The following MYO18A variants were observed in gnomAD, a reference collection of about 807,000 sequenced individuals.
MYO18A encodes unconventional myosin-XVIIIa.
A neutral mutation model predicts 235.8 loss-of-function variants in MYO18A; 78 were observed. That is an observed-to-expected ratio of 0.33 (90% CI 0.28 to 0.40). The LOEUF (loss-of-function observed/expected upper bound fraction) is 0.40. MYO18A is among the 10% of genes least tolerant of loss of function. The pLI is 1.00. For missense variants in MYO18A, 2,215 were observed against 2,699.3 expected (o/e 0.82, Z 3.98); for synonymous variants, 977 against 1,077.8 (o/e 0.91, Z 1.83).
chr17:29,159,816 G>A (rs2068134894), intron 2 of MYO18A, among the ~76,000 whole-genome samples: 1 of 152,196 alleles, frequency 6.6e-6, no homozygotes, highest in African/African-American at 2.4e-5. Flanking sequence ...GGGCTCTCCT[G>A]TCCTTCTCCC....
chr17:29,173,960 G>A (rs11080089), intron 1 of MYO18A, among the ~76,000 whole-genome samples: 39,672 of 151,800 alleles, frequency 0.26, 5,545 homozygotes, highest in East Asian at 0.57. Flanking sequence ...TTGTTTTAGA[G>A]ACAGGTTCTT....
rs373429080 is a variant in MYO18A at position 29,079,822 on chromosome 17, G to A, written c.6020+2494C>T. 131 of 986,056 alleles carry A rather than the reference G, an allele frequency of 1.3e-4. 1 individual carries two copies. In the African/African-American group the frequency reaches 2.0e-3, roughly 15 times the overall value. The allele number at this position is 986,056 out of a possible 1,614,324, so 61.1% of individuals were successfully genotyped here. A position where few individuals can be genotyped will look rare whatever the true frequency, so the allele number is the denominator to read the frequency against. On this transcript the variant is annotated intron_variant, in intron 41 of 41. Transcript: ENST00000527372. ...TTCCTCCTTCCTCGACGGCCGGTGC[G>A]TCTGCCCAGTTTCTTCACTTTCTGC... is the stretch of plus-strand genomic sequence containing the variant.
chr17:29,089,865 G>C (rs1010341327), intron 37 of MYO18A, 96 bp downstream of exon 37: 45 of 1,521,450 alleles, frequency 3.0e-5, no homozygotes, highest in Non-Finnish European at 3.9e-5. Context: ...TCTGAGGACT[G>C]TCCGGGGGCC....
chr17:29,163,541 A>G (rs563054858), intron 2 of MYO18A, among the ~76,000 whole-genome samples: 1 of 152,336 alleles, frequency 6.6e-6, no homozygotes, highest in South Asian at 2.1e-4. Flanking sequence ...GGCTTACCCC[A>G]TAGGAGCTAG....
At chr17:29,104,794 A>T (rs1432129998) in intron 20 of MYO18A, among the ~76,000 whole-genome samples, 1 of 152,094 alleles carries the variant, frequency 6.6e-6, no homozygotes, top group African/African-American at 2.4e-5. Flanking sequence ...TCAAGGGGGA[A>T]ACCAGGAGTG....
At chr17:29,099,897 A>C in intron 21 of MYO18A, 135 bp from the exon 22 acceptor site, 3 of 1,227,394 alleles carry the variant, frequency 2.4e-6, no homozygotes, top group Non-Finnish European at 1.1e-6. Flanking sequence ...TCAAAATCCA[A>C]TTGTCCAAGA....
intron 2 of MYO18A, among the ~76,000 whole-genome samples, chr17:29,144,898 C>T (rs1313815640): frequency 6.6e-6 from 1 of 152,114 alleles, no homozygotes; most frequent in Non-Finnish European, 1.5e-5. Flanking sequence ...AAACTGCTCA[C>T]AAAGTATAGT....
At chr17:29,091,506 C>T (rs1308694001) in intron 34 of MYO18A, 2 of 409,604 alleles carry the variant, frequency 4.9e-6, no homozygotes, top group African/African-American at 4.1e-5. Flanking sequence ...CCCCATCCAT[C>T]TTGTTACTGG....
At position 29,097,314 on chromosome 17, in the gene MYO18A, C is replaced by T. The variant is rs1485556880; in HGVS notation, c.4139G>A (p.Arg1380Gln). ...EWRLKYERAVREVDFTKKRLQ... is the reference protein window; with the variant it reads ...EWRLKYERAVQEVDFTKKRLQ... ...CCGTTTCTTGGTGAAGTCCACCTCC[C>T]GCACAGCCCGCTCATACTTCAGCCG... Residue 1380 changes from arginine to glutamine, a missense_variant, in exon 27 of 42, where the codon CGG becomes CAG. Physicochemically the swap from Arg to Gln is conservative, Grantham distance 43 (BLOSUM62 1). Coordinates refer to ENST00000527372, the MANE Select transcript of MYO18A (RefSeq NM_078471.4). 9 of 1,610,048 alleles carry T rather than the reference C, an allele frequency of 5.6e-6. No individual in the cohort carries two copies. The highest frequency in any genetic ancestry group is 2.7e-5 in the African/African-American group (2 of 75,036).
intron 21 of MYO18A, among the ~76,000 whole-genome samples, chr17:29,100,630 G>A (rs2066631441): frequency 6.6e-6 from 1 of 152,104 alleles, no homozygotes; most frequent in Admixed American, 6.5e-5. Flanking sequence ...AGGGTCGGGT[G>A]AAAAAAATAG....
chr17:29,093,656 GGA>G (rs759802506), intron 31 of MYO18A, among the ~76,000 whole-genome samples: 1 of 152,178 alleles, frequency 6.6e-6, no homozygotes, highest in Non-Finnish European at 1.5e-5. Context: ...AGACAGAGTA[GGA>G]GAGACCTTGC....
rs555854413 is a variant in MYO18A at position 29,107,996 on chromosome 17, C to T, written c.3332-807G>A. On this transcript the variant is annotated intron_variant, in intron 19 of 41. Transcript: ENST00000527372. ...CTAGGTGCTGGATTCCTGGCCCTGC[C>T]TCTTAGGATCATGTGACCTTGGGCC... is the stretch of plus-strand genomic sequence containing the variant. Among the ~76,000 whole-genome samples the T allele has an allele frequency of 4.7e-4, 71 of 151,910 alleles. 1 individual carries two copies. The highest frequency in any genetic ancestry group is 1.6e-3 in the African/African-American group (68 of 41,428).
At chr17:29,175,895 T>C (rs563174076) in intron 1 of MYO18A, among the ~76,000 whole-genome samples, 24 of 152,048 alleles carry the variant, frequency 1.6e-4, no homozygotes, top group African/African-American at 5.5e-4. Flanking sequence ...CTGTCTCTAC[T>C]AAAAATACAA....
chr17:29,089,726 C>T (rs568476993), intron 37 of MYO18A, among the ~76,000 whole-genome samples: 2 of 152,346 alleles, frequency 1.3e-5, no homozygotes, highest in Non-Finnish European at 1.5e-5. Context: ...CTGCTCTGGT[C>T]CCTTGGCAGA....
intron 22 of MYO18A, among the ~76,000 whole-genome samples, chr17:29,099,305 C>T (rs968172249): frequency 3.9e-5 from 6 of 152,208 alleles, no homozygotes; most frequent in South Asian, 2.1e-4. Flanking sequence ...ACACAAGAGG[C>T]GGCAGTGCTG....
intron 2 of MYO18A, among the ~76,000 whole-genome samples, chr17:29,161,802 T>A (rs1189859398): frequency 6.6e-6 from 1 of 152,174 alleles, no homozygotes; most frequent in Non-Finnish European, 1.5e-5. Flanking sequence ...GACTTTCCCA[T>A]CCGGACTTAT....
At chr17:29,115,553 C>T in intron 12 of MYO18A, 111 bp downstream of exon 12, 4 of 1,467,238 alleles carry the variant, frequency 2.7e-6, no homozygotes, top group Non-Finnish European at 2.7e-6. Context: ...AGGGCCTCTG[C>T]CACTGACAGA....
At chr17:29,079,097 CAAT>C (rs1234455010) in intron 41 of MYO18A, among the ~76,000 whole-genome samples, 10 of 152,120 alleles carry the variant, frequency 6.6e-5, no homozygotes, top group Non-Finnish European at 1.5e-4. Flanking sequence ...GCAAAAGGCC[CAAT>C]AATAGCTTAG....
At chr17:29,091,664 A>G (rs1354590490) in intron 34 of MYO18A, 1 of 455,068 alleles carries the variant, frequency 2.2e-6, no homozygotes, top group Admixed American at 2.3e-5. Flanking sequence ...TGTCATGGGG[A>G]TAAATCAAGC....
Sources: allele counts gnomAD v4.1 joint callset (sites outside exome capture counted in the v4.1 genomes callset), GRCh38; gene constraint gnomAD v4.1.1; transcripts MANE v1.5; gene names NCBI Gene and HGNC (gene_info 2026-07-23, HGNC 2026-07-21).